YAE1: variants seen among roughly 807,000 people sequenced by gnomAD.
The protein encoded by YAE1 is YAE1 maturation factor of ABCE1.
In YAE1, 22 loss-of-function variants were observed where a neutral mutation model predicts 23.0. The observed-to-expected ratio is 0.96, with a 90% CI of 0.68 to 1.37. YAE1 has a LOEUF of 1.37. Among genes scored for constraint, YAE1 ranks in the 40% most tolerant of loss-of-function variants. YAE1 has a pLI of 0.00. For synonymous variants in YAE1, 101 were observed against 97.0 expected (o/e 1.04, Z -0.24); for missense variants, 260 against 262.1 (o/e 0.99, Z 0.06).
At chr7:39,578,665 C>T (rs578244242) in intron 2 of YAE1, among the ~76,000 whole-genome samples, 1 of 152,258 alleles carries the variant, frequency 6.6e-6, no homozygotes, top group East Asian at 1.9e-4. Context: ...CATGAACCCG[C>T]CAGAAGAAAG....
At chr7:39,584,293 T>C (rs1790782618) in intron 2 of YAE1, among the ~76,000 whole-genome samples, 1 of 152,174 alleles carries the variant, frequency 6.6e-6, no homozygotes, top group African/African-American at 2.4e-5. Flanking sequence ...TTTTGTTTGT[T>C]CGCCAGAGTG....
intron 2 of YAE1, among the ~76,000 whole-genome samples, chr7:39,588,443 CA>C (rs1438346347): frequency 1.3e-5 from 2 of 150,506 alleles, no homozygotes; most frequent in Non-Finnish European, 3.0e-5. Flanking sequence ...GCAGTGAAAC[CA>C]GATCTCATCA....
intron 2 of YAE1, among the ~76,000 whole-genome samples, chr7:39,600,838 G>A (rs1173599175): frequency 3.9e-5 from 6 of 152,230 alleles, no homozygotes; most frequent in Admixed American, 3.9e-4. Context: ...AGCTAAGGGA[G>A]AGGCATGAAG....
intron 2 of YAE1, among the ~76,000 whole-genome samples, chr7:39,593,153 T>C (rs1022245052): frequency 1.3e-5 from 2 of 150,576 alleles, no homozygotes; most frequent in Non-Finnish European, 3.0e-5. Context: ...AATATCTAGC[T>C]CTATAATTTC....
intron 2 of YAE1, among the ~76,000 whole-genome samples, chr7:39,578,062 G>A (rs190592061): frequency 2.0e-5 from 3 of 152,144 alleles, no homozygotes; most frequent in Middle Eastern, 3.4e-3. Context: ...TGTCTAGCTC[G>A]AGGTTTGTGA....
chr7:39,610,054 C>T, exon 3 of YAE1: 1 of 1,458,400 alleles, frequency 6.9e-7, no homozygotes, highest in Non-Finnish European at 9.0e-7. Flanking sequence ...CACCCAGCAC[C>T]CAGTGCTGCA....
chr7:39,579,096 T>TCC (rs1489466335), intron 2 of YAE1, among the ~76,000 whole-genome samples: 1 of 152,190 alleles, frequency 6.6e-6, no homozygotes, highest in Non-Finnish European at 1.5e-5. Flanking sequence ...AAGTAATGGT[T>TCC]AACGCAGGCA....
chr7:39,602,380 G>A (rs1470422448), intron 2 of YAE1, among the ~76,000 whole-genome samples: 1 of 152,162 alleles, frequency 6.6e-6, no homozygotes, highest in Non-Finnish European at 1.5e-5. Flanking sequence ...GAGCTAGTTA[G>A]ACAATAAGTT....
intron 2 of YAE1, among the ~76,000 whole-genome samples, chr7:39,582,567 T>C (rs1379580481): frequency 6.6e-6 from 1 of 152,242 alleles, no homozygotes; most frequent in Non-Finnish European, 1.5e-5. Context: ...GAGGTCTGTA[T>C]GATGTCTGAA....
At chr7:39,596,467 A>ACCTCAG (rs1291824460) in intron 2 of YAE1, among the ~76,000 whole-genome samples, 2 of 151,876 alleles carry the variant, frequency 1.3e-5, no homozygotes, top group African/African-American at 4.8e-5. Flanking sequence ...TGAACTCCTA[A>ACCTCAG]CCTCAGCCTC....
intron 2 of YAE1, 98 bp downstream of exon 2, chr7:39,570,725 G>A: frequency 7.0e-7 from 1 of 1,428,058 alleles, no homozygotes; most frequent in Non-Finnish European, 9.3e-7. Flanking sequence ...TGCTTTTCCT[G>A]GTGCTAAATA....
Position 39,570,491 on chromosome 7 carries a change from A to G in YAE1, c.130-15A>G. ...TACTTAGTTACAGCTGCACTTCTCC[A>G]TTACTTATTTTTAGGAAGGTTATAG... On this transcript the variant is annotated splice_polypyrimidine_tract_variant and intron_variant, in intron 1 of 2. Transcript: ENST00000223273. The G allele has an allele frequency of 6.2e-7, 1 of 1,607,048 alleles. No homozygotes were observed.
chr7:39,593,706 C>T (rs1322639877), intron 2 of YAE1, among the ~76,000 whole-genome samples: 1 of 152,034 alleles, frequency 6.6e-6, no homozygotes, highest in Non-Finnish European at 1.5e-5. Context: ...AATCTGCCCA[C>T]CCCAGCCGCC....
chr7:39,578,505 TAACACTCACTGC>T (rs1281136879), intron 2 of YAE1, among the ~76,000 whole-genome samples: 1 of 152,200 alleles, frequency 6.6e-6, no homozygotes, highest in Non-Finnish European at 1.5e-5. Flanking sequence ...TTGTGAGCTG[TAACACTCACTGC>T]AACGGGCTGC....
chr7:39,609,686 A>G (rs754889880), exon 3 of YAE1: 1 of 1,535,696 alleles, frequency 6.5e-7, no homozygotes, highest in South Asian at 1.2e-5. Flanking sequence ...GGACGCAACT[A>G]CTGCCGCGTC....
At chr7:39,596,952 C>T (rs1488340559) in intron 2 of YAE1, among the ~76,000 whole-genome samples, 1 of 152,218 alleles carries the variant, frequency 6.6e-6, no homozygotes, top group Non-Finnish European at 1.5e-5. Context: ...TATGATTTGA[C>T]ATCTCTGAAA....
chr7:39,595,005 G>GTTTGTT (rs776895427), intron 2 of YAE1, among the ~76,000 whole-genome samples: 23 of 152,146 alleles, frequency 1.5e-4, no homozygotes, highest in Non-Finnish European at 3.1e-4. Flanking sequence ...TTACGCTTTG[G>GTTTGTT]TTTGTTTTTG....
intron 2 of YAE1, among the ~76,000 whole-genome samples, chr7:39,607,159 C>T (rs926008927): frequency 1.3e-5 from 2 of 152,034 alleles, no homozygotes; most frequent in African/African-American, 4.8e-5. Flanking sequence ...ATAAGTTTTC[C>T]CTTCTTTGGG....
At chr7:39,593,560 A>C (rs1790934972) in intron 2 of YAE1, among the ~76,000 whole-genome samples, 1 of 151,862 alleles carries the variant, frequency 6.6e-6, no homozygotes, top group Non-Finnish European at 1.5e-5. Context: ...TTATGGGTGC[A>C]AGAAATCCTC....
Sources: gnomAD v4.1 joint callset for allele counts (sites outside exome capture counted in the v4.1 genomes callset) on GRCh38, gnomAD v4.1.1 for gene constraint, MANE v1.5 for transcripts, NCBI Gene and HGNC (gene_info 2026-07-23, HGNC 2026-07-21) for gene names.